TEX11: variants seen among roughly 807,000 people sequenced by gnomAD.
The protein encoded by TEX11 is testis-expressed protein 11.
In TEX11, 7 loss-of-function variants were observed where a neutral mutation model predicts 84.4. The ratio of observed to expected loss-of-function variants is 0.08; its 90% CI spans 0.05 to 0.16. The LOEUF is 0.16. Ranked by LOEUF, TEX11 falls within the 10% of genes least tolerant of loss-of-function variation. TEX11 has a pLI of 1.00. For synonymous variants in TEX11, 264 were observed against 222.8 expected (o/e 1.18, Z -1.64); for missense variants, 551 against 660.5 (o/e 0.83, Z 1.82).
At chrX:70,835,311 A>AG (rs200219501) in intron 7 of TEX11, among the ~76,000 whole-genome samples, 67 of 112,570 alleles carry the variant, frequency 6.0e-4, no homozygotes, top group Admixed American at 5.2e-3. Flanking sequence ...ATCATTACTC[A>AG]GATTTTATCT....
Position 70,732,376 on chromosome X carries a change from T to C in TEX11, c.844-7033A>G, listed in dbSNP as rs1174899162. The stretch of plus-strand genomic sequence containing the variant: ...AAGTCAAATTGTCCCTGTTTGCAGA[T>C]GACATGATTGTATATCTAGAAAACC... On this transcript the variant is annotated intron_variant, in intron 11 of 29. Coordinates refer to ENST00000374333, the MANE Select transcript of TEX11 (RefSeq NM_031276.3). Among the ~76,000 whole-genome samples the C allele has an allele frequency of 7.2e-5, 8 of 111,701 alleles. No individual in the cohort carries two copies. The East Asian group carries it at 1.4e-3, about 19-fold the overall frequency.
At chrX:70,843,701 T>C (rs1378267362) in intron 7 of TEX11, among the ~76,000 whole-genome samples, 5 of 111,446 alleles carry the variant, frequency 4.5e-5, no homozygotes, top group African/African-American at 1.6e-4. Flanking sequence ...ATTTTTGCAA[T>C]CTACTCATCT....
At chrX:70,662,572 C>A (rs1337143302) in intron 16 of TEX11, among the ~76,000 whole-genome samples, 1 of 110,896 alleles carries the variant, frequency 9.0e-6, no homozygotes, top group Non-Finnish European at 1.9e-5. Flanking sequence ...GTCAGATTCA[C>A]CAAAGTTGAA....
intron 17 of TEX11, among the ~76,000 whole-genome samples, chrX:70,641,471 T>C (rs1344197922): frequency 7.4e-4 from 82 of 111,286 alleles, no homozygotes; most frequent in Non-Finnish European, 1.1e-3. Flanking sequence ...ATACGTTTTT[T>C]TCAGCACCAC....
intron 9 of TEX11, among the ~76,000 whole-genome samples, chrX:70,746,968 C>A (rs1309454409): frequency 8.9e-6 from 1 of 112,017 alleles, no homozygotes; most frequent in Non-Finnish European, 1.9e-5. Flanking sequence ...GTACCTTGAG[C>A]CTCATTGGCT....
At chrX:70,711,709 A>G (rs1190166567) in intron 13 of TEX11, among the ~76,000 whole-genome samples, 1 of 111,215 alleles carries the variant, frequency 9.0e-6, no homozygotes, top group East Asian at 2.8e-4. Flanking sequence ...AGATGAGTAG[A>G]TTGCAAAAAT....
chrX:70,766,934 C>A (rs1009196708), intron 9 of TEX11, among the ~76,000 whole-genome samples: 1 of 111,576 alleles, frequency 9.0e-6, no homozygotes, highest in Non-Finnish European at 1.9e-5. Flanking sequence ...TGAAACTAGA[C>A]CCCTATCTCT....
At chrX:70,809,748 G>A (rs749110906) in intron 8 of TEX11, among the ~76,000 whole-genome samples, 10 of 110,883 alleles carry the variant, frequency 9.0e-5, no homozygotes, top group Non-Finnish European at 1.7e-4. Context: ...CCAGGCTGGA[G>A]TGCAGTGGTG....
chrX:70,520,679 CAG>C, the TEX11 span, among the ~76,000 whole-genome samples: 1 of 112,272 alleles, frequency 8.9e-6, no homozygotes, highest in Admixed American at 9.4e-5. Context: ...TCAGAGATGT[CAG>C]AGAGTTTAAG....
intron 9 of TEX11, among the ~76,000 whole-genome samples, chrX:70,792,351 TATATATAC>T (rs1329315551): frequency 0.021 from 237 of 11,398 alleles, 16 homozygotes; most frequent in Middle Eastern, 0.062. Context: ...TATATATATA[TATATATAC>T]ACACACAAAT....
intron 20 of TEX11, among the ~76,000 whole-genome samples, chrX:70,620,396 A>G (rs887342158): frequency 9.0e-6 from 1 of 111,679 alleles, no homozygotes; most frequent in Non-Finnish European, 1.9e-5. Context: ...AAATAAAACA[A>G]TGAGTTACCA....
chrX:70,591,917 GT>G (rs2088936978), intron 24 of TEX11, 94 bp from the exon 25 acceptor site: 1 of 560,814 alleles, frequency 1.8e-6, no homozygotes, highest in Admixed American at 3.8e-5. Flanking sequence ...TTAAAAACAG[GT>G]AAAAATAAAT....
At chrX:70,720,940 ATG>A (rs1385954459) in intron 13 of TEX11, among the ~76,000 whole-genome samples, 1 of 110,448 alleles carries the variant, frequency 9.1e-6, no homozygotes, top group Non-Finnish European at 1.9e-5. Flanking sequence ...GTAGTATTGA[ATG>A]TATTCCTTCT....
chrX:70,768,020 A>G (rs1302377128), intron 9 of TEX11, among the ~76,000 whole-genome samples: 1 of 111,240 alleles, frequency 9.0e-6, no homozygotes, highest in Non-Finnish European at 1.9e-5. Context: ...GAGGATGATT[A>G]ATGGTTATAA....
intron 13 of TEX11, among the ~76,000 whole-genome samples, chrX:70,690,442 C>T (rs2147668290): frequency 8.9e-6 from 1 of 111,955 alleles, no homozygotes; most frequent in South Asian, 3.8e-4. Flanking sequence ...CCTGTAATTT[C>T]CGTGCCTTGG....
At chrX:70,605,573 C>A in intron 23 of TEX11, 56 bp from the exon 24 acceptor site, 1 of 825,841 alleles carries the variant, frequency 1.2e-6, no homozygotes, top group Non-Finnish European at 1.8e-6. Context: ...CAGGTGAACA[C>A]AAACAATCAG....
intron 9 of TEX11, among the ~76,000 whole-genome samples, chrX:70,784,168 T>A (rs2091061742): frequency 8.9e-6 from 1 of 111,897 alleles, no homozygotes; most frequent in African/African-American, 3.3e-5. Context: ...GCAAGGCTGG[T>A]TGAACGTATG....
At chrX:70,821,303 T>C (rs1187047928) in intron 8 of TEX11, among the ~76,000 whole-genome samples, 1 of 112,070 alleles carries the variant, frequency 8.9e-6, no homozygotes, top group Non-Finnish European at 1.9e-5. Flanking sequence ...CTAATTGATA[T>C]GGTTTGGCTC....
At chrX:70,900,395 A>AAAGAAGAAG (rs1556245993) in intron 2 of TEX11, among the ~76,000 whole-genome samples, 3 of 60,084 alleles carry the variant, frequency 5.0e-5, no homozygotes, top group East Asian at 5.6e-4. Flanking sequence ...AAAAAAAAAA[A>AAAGAAGAAG]AAGAAGAAGA....
Sources: gnomAD v4.1 joint callset for allele counts (sites outside exome capture counted in the v4.1 genomes callset) on GRCh38, gnomAD v4.1.1 for gene constraint, MANE v1.5 for transcripts, NCBI Gene and HGNC (gene_info 2026-07-23, HGNC 2026-07-21) for gene names.